MYOF: variants seen among roughly 807,000 people sequenced by gnomAD.
The protein encoded by MYOF is myoferlin.
A neutral mutation model predicts 284.2 loss-of-function variants in MYOF; 244 were observed. That is an observed-to-expected ratio of 0.86 (90% CI 0.77 to 0.95). MYOF has a LOEUF of 0.95. Among genes scored for constraint, MYOF ranks in the 40% least tolerant of loss-of-function variants. The pLI is 0.00. For synonymous variants in MYOF, 904 were observed against 919.7 expected, an observed-to-expected ratio of 0.98 and a Z score of 0.31; for missense variants, 2,496 against 2,560.6, an observed-to-expected ratio of 0.97 and a Z score of 0.54.
intron 49 of MYOF, 101 bp from the exon 50 acceptor site, chr10:93,316,914 C>T (rs556768638): frequency 1.8e-5 from 15 of 842,332 alleles, no homozygotes; most frequent in Middle Eastern, 2.2e-4. Flanking sequence ...TTTGCACCCC[C>T]ACCCTGACAC....
chr10:93,386,890 C>G (rs910596703), intron 19 of MYOF, among the ~76,000 whole-genome samples: 1 of 152,114 alleles, frequency 6.6e-6, no homozygotes, highest in East Asian at 1.9e-4. Flanking sequence ...GGCAGTTGGG[C>G]CTGGACTCAG....
intron 3 of MYOF, among the ~76,000 whole-genome samples, chr10:93,442,035 C>CACACAA: frequency 6.8e-6 from 1 of 148,088 alleles, no homozygotes; most frequent in South Asian, 2.1e-4. Context: ...CACACACACA[C>CACACAA]ACACACAGAA....
Position 93,482,241 on chromosome 10 carries a change from TAGGG to T in MYOF, c.-51_-48del. 1 of 1,525,130 alleles carries T rather than the reference TAGGG, an allele frequency of 6.6e-7. No individual in the cohort carries two copies. The highest frequency in any genetic ancestry group is 1.1e-5 in the South Asian group (1 of 87,662). The allele number at this position is 1,525,130 out of a possible 1,614,324, so 94.5% of individuals were successfully genotyped here. A position where few individuals can be genotyped will look rare whatever the true frequency, so the allele number is the denominator to read the frequency against. On this transcript the variant is annotated 5_prime_UTR_variant, in exon 1 of 54. Transcript: ENST00000359263. ...AAGTTTCAGCAAACGAAGTGGAGAC[TAGGG>T]CGCTGGAGCTCCGGGTCGCACCGCC... is the stretch of plus-strand genomic sequence containing the variant.
chr10:93,356,369 T>C (rs1844803350), intron 30 of MYOF, among the ~76,000 whole-genome samples: 1 of 152,226 alleles, frequency 6.6e-6, no homozygotes, highest in African/African-American at 2.4e-5. Context: ...TCAAAGAACT[T>C]GTGCCTGGGA....
In MYOF at chr10:93,431,459, G is replaced by A; in HGVS notation, c.294C>T (p.Ser98=). The A allele has an allele frequency of 6.2e-7, 1 of 1,614,056 alleles. No homozygotes were observed. The highest frequency in any genetic ancestry group is 1.6e-4 in the Middle Eastern group (1 of 6,062). ...GCAGGGAGATCAGCTTGTACGGCAG[G>A]GATCTGCTCTGGTCACCAGTCAGGT... is the stretch of plus-strand genomic sequence containing the variant. ...LKDLTGDQSR[S]LPYKLISLLN... Residue 98 remains serine (S), a synonymous_variant, in exon 4 of 54, where the codon TCC becomes TCT. Transcript: ENST00000359263.
chr10:93,412,745 G>A (rs1316848687), intron 5 of MYOF, among the ~76,000 whole-genome samples: 1 of 152,194 alleles, frequency 6.6e-6, no homozygotes, highest in African/African-American at 2.4e-5. Context: ...AATGTGGAAT[G>A]AGTAAACAAA....
intron 16 of MYOF, among the ~76,000 whole-genome samples, chr10:93,393,501 A>G (rs754653762): frequency 6.6e-5 from 10 of 152,264 alleles, no homozygotes; most frequent in Non-Finnish European, 1.2e-4. Flanking sequence ...CAGAGACAGA[A>G]GCTAAAACTG....
Position 93,347,771 on chromosome 10 carries a change from C to T in MYOF, c.4095G>A (p.Lys1365=), listed in dbSNP as rs1056275883. 2 of 1,611,644 alleles carry T rather than the reference C, an allele frequency of 1.2e-6. No homozygotes were observed. The highest frequency in any genetic ancestry group is 1.7e-6 in the Non-Finnish European group (2 of 1,178,566). Residue 1365 remains lysine, a synonymous_variant, in exon 37 of 54, where the codon AAG becomes AAA. Transcript: ENST00000359263. ...CCAGTGGGGGCATGTACAATTCCTC[C>T]TTGGGCAAGAACTGGGGGTCACAAA... is the stretch of plus-strand genomic sequence containing the variant. ...SVLFMKVFLP[K]EELYMPPLVI...
At chr10:93,386,074 G>C (rs958674115) in intron 19 of MYOF, among the ~76,000 whole-genome samples, 1 of 152,202 alleles carries the variant, frequency 6.6e-6, no homozygotes, top group Admixed American at 6.5e-5. Flanking sequence ...CCAAATAAAA[G>C]AGGTACTATA....
At chr10:93,434,436 A>G (rs1429382913) in intron 3 of MYOF, among the ~76,000 whole-genome samples, 1 of 151,648 alleles carries the variant, frequency 6.6e-6, no homozygotes, top group African/African-American at 2.4e-5. Flanking sequence ...GTCTCAAAAA[A>G]AAAAAAAAAA....
intron 1 of MYOF, among the ~76,000 whole-genome samples, chr10:93,469,704 G>A (rs1443867329): frequency 2.0e-5 from 3 of 152,122 alleles, no homozygotes; most frequent in Non-Finnish European, 4.4e-5. Flanking sequence ...TCACGTGCCT[G>A]ACCACAGGAT....
At chr10:93,325,708 A>AT in intron 46 of MYOF, 118 bp downstream of exon 46, 1 of 1,286,632 alleles carries the variant, frequency 7.8e-7, no homozygotes, top group Non-Finnish European at 1.1e-6. Context: ...TTTGAGTCTC[A>AT]TTTCTATTTC....
intron 7 of MYOF, among the ~76,000 whole-genome samples, chr10:93,405,730 T>C (rs966416263): frequency 6.6e-6 from 1 of 152,236 alleles, no homozygotes; most frequent in South Asian, 2.1e-4. Flanking sequence ...ACATCATTTT[T>C]GTTCCTATTA....
intron 7 of MYOF, among the ~76,000 whole-genome samples, chr10:93,408,408 A>C (rs1013470840): frequency 6.6e-6 from 1 of 151,958 alleles, no homozygotes; most frequent in African/African-American, 2.4e-5. Flanking sequence ...GTGGTGGTGC[A>C]TGCCTGTAAT....
Position 93,332,059 on chromosome 10 carries a change from C to T in MYOF, c.4811+1162G>A, listed in dbSNP as rs970469827. Among the ~76,000 whole-genome samples, 3 of 152,100 alleles carry T rather than the reference C, an allele frequency of 2.0e-5. No individual in the cohort carries two copies. The South Asian group carries it at 6.2e-4, about 32-fold the overall frequency. On this transcript the variant is annotated intron_variant, in intron 43 of 53. Coordinates refer to ENST00000359263, the MANE Select transcript of MYOF (RefSeq NM_013451.4). The stretch of plus-strand genomic sequence containing the variant: ...AATCTCGGCTCTATCACTTACCCCA[C>T]CTCTATTAATAGAGCTCTGGGAGCC...
intron 48 of MYOF, among the ~76,000 whole-genome samples, chr10:93,320,352 C>T (rs549098949): frequency 6.6e-6 from 1 of 152,168 alleles, no homozygotes; most frequent in Non-Finnish European, 1.5e-5. Context: ...CTTTAGTCCT[C>T]ACAACTATAA....
At chr10:93,333,412 G>A in intron 42 of MYOF, 100 bp from the exon 43 acceptor site, 3 of 1,009,922 alleles carry the variant, frequency 3.0e-6, no homozygotes, top group South Asian at 1.3e-5. Flanking sequence ...ACTCCCAGCT[G>A]ATGACAAGGT....
chr10:93,427,482 G>A lies in MYOF; in HGVS notation c.346-1324C>T, dbSNP rs542420169. 1.4e-3 allele frequency among the ~76,000 whole-genome samples: 190 copies of A among 132,022 alleles called. 1 individual carries two copies. Among genetic ancestry groups the A allele is most frequent in the African/African-American group, 5.1e-3 (177 of 35,032 alleles). 86.6% of individuals were successfully genotyped at this position (132,022 alleles called of 152,430 possible). A position where few individuals can be genotyped will look rare whatever the true frequency, so the allele number is the denominator to read the frequency against. On this transcript the variant is annotated intron_variant, in intron 4 of 53. Coordinates refer to ENST00000359263, the MANE Select transcript of MYOF (RefSeq NM_013451.4). ...GGAGGCGGAGGTTGCAGTGAGCCAA[G>A]ATCGTGCCACTGCACTCCAGCCTGC...
chr10:93,314,406 C>T (rs1455837567), intron 50 of MYOF, among the ~76,000 whole-genome samples: 1 of 152,150 alleles, frequency 6.6e-6, no homozygotes, highest in East Asian at 1.9e-4. Context: ...CTCTTTAGTA[C>T]CACTTCCACG....
Sources: gnomAD v4.1 joint callset for allele counts (sites outside exome capture counted in the v4.1 genomes callset) on GRCh38, gnomAD v4.1.1 for gene constraint, MANE v1.5 for transcripts, NCBI Gene and HGNC (gene_info 2026-07-23, HGNC 2026-07-21) for gene names.